PTPRD: variants seen among roughly 807,000 people sequenced by gnomAD.
The protein encoded by PTPRD is protein tyrosine phosphatase receptor type D, also known as receptor-type tyrosine-protein phosphatase delta.
Under a neutral mutation model 214.5 loss-of-function variants are expected in PTPRD, and 34 were observed. The ratio of observed to expected loss-of-function variants is 0.16; its 90% CI spans 0.12 to 0.21. The LOEUF is 0.21. Ranked by LOEUF, PTPRD falls within the 10% of genes least tolerant of loss-of-function variation. PTPRD has a pLI of 1.00. For missense variants in PTPRD, 2,545 were observed against 2,398.7 expected (o/e 1.06, Z -1.27); for synonymous variants, 1,128 against 845.7 (o/e 1.33, Z -5.79).
chr9:8,871,209 A>G (rs2098294277), intron 11 of PTPRD, among the ~76,000 whole-genome samples: 1 of 152,204 alleles, frequency 6.6e-6, no homozygotes, highest in Non-Finnish European at 1.5e-5. Flanking sequence ...AATAAACTGC[A>G]TAACCTAAGC....
chr9:8,316,984 T>TATG lies in PTPRD; in HGVS notation c.*887_*889dup, dbSNP rs1822320754. The TATG allele has an allele frequency of 8.8e-6, 2 of 228,280 alleles. No individual in the cohort carries two copies. The highest frequency in any genetic ancestry group is 1.7e-5 in the Non-Finnish European group (2 of 116,804). 14.1% of individuals were successfully genotyped at this position (228,280 alleles called of 1,614,324 possible). A position where few individuals can be genotyped will look rare whatever the true frequency, so the allele number is the denominator to read the frequency against. On this transcript the variant is annotated 3_prime_UTR_variant, in exon 46 of 46. Coordinates refer to ENST00000381196, the MANE Select transcript of PTPRD (RefSeq NM_002839.4). The stretch of plus-strand genomic sequence containing the variant: ...TATAAAATATGGATATATATGTATA[T>TATG]ATGTTAGCAGCAACTTTATACTTTG...
chr9:10,312,156 A>G (rs993653362), intron 3 of PTPRD, among the ~76,000 whole-genome samples: 1 of 152,040 alleles, frequency 6.6e-6, no homozygotes, highest in Non-Finnish European at 1.5e-5. Context: ...TCATTTGATG[A>G]GAGAATCTTT....
chr9:8,522,962 G>C (rs967330084), intron 19 of PTPRD, among the ~76,000 whole-genome samples: 1 of 152,120 alleles, frequency 6.6e-6, no homozygotes, highest in Non-Finnish European at 1.5e-5. Flanking sequence ...GCTTATTTGA[G>C]ATGGCTCACT....
At chr9:9,881,876 G>C (rs1600762512) in intron 5 of PTPRD, among the ~76,000 whole-genome samples, 1 of 152,050 alleles carries the variant, frequency 6.6e-6, no homozygotes, top group African/African-American at 2.4e-5. Flanking sequence ...TTTACCACAA[G>C]AACATGCCTG....
intron 30 of PTPRD, among the ~76,000 whole-genome samples, chr9:8,473,238 A>T (rs1046017992): frequency 1.3e-5 from 2 of 152,182 alleles, no homozygotes; most frequent in Admixed American, 6.6e-5. Context: ...TACACCAGCT[A>T]GCCATTCATT....
intron 39 of PTPRD, among the ~76,000 whole-genome samples, chr9:8,366,477 T>C (rs1053692026): frequency 1.3e-5 from 2 of 152,050 alleles, no homozygotes; most frequent in African/African-American, 4.8e-5. Flanking sequence ...TGGAAGAAAG[T>C]AGACAAAAAC....
intron 4 of PTPRD, among the ~76,000 whole-genome samples, chr9:9,998,129 A>AATATATATATATATATATATATATATAT (rs1555449231): frequency 1.8e-4 from 16 of 91,428 alleles, no homozygotes; most frequent in African/African-American, 8.8e-4. Flanking sequence ...AAAAAAAAAA[A>AATATATATATATATATATATATATATAT]ATATATATAT....
intron 2 of PTPRD, among the ~76,000 whole-genome samples, chr9:10,593,828 T>C (rs555728557): frequency 1.3e-5 from 2 of 152,128 alleles, no homozygotes; most frequent in African/African-American, 4.8e-5. Flanking sequence ...AAAATGTCTT[T>C]TTTTCTTATT....
At chr9:9,404,219 G>A (rs1372155086) in intron 8 of PTPRD, among the ~76,000 whole-genome samples, 1 of 152,002 alleles carries the variant, frequency 6.6e-6, no homozygotes, top group African/African-American at 2.4e-5. Context: ...AGGGTTTTAA[G>A]AAGTTGAGTG....
intron 11 of PTPRD, among the ~76,000 whole-genome samples, chr9:8,972,122 C>G (rs1172366126): frequency 6.6e-6 from 1 of 151,794 alleles, no homozygotes; most frequent in Non-Finnish European, 1.5e-5. Context: ...CATTACCTCA[C>G]CCAATGACCA....
chr9:8,504,693 C>A (rs2097501855), intron 22 of PTPRD, among the ~76,000 whole-genome samples: 1 of 152,150 alleles, frequency 6.6e-6, no homozygotes, highest in Non-Finnish European at 1.5e-5. Context: ...GATTGAGAGG[C>A]CAACACCCAT....
At chr9:9,503,511 T>C (rs1318976560) in intron 8 of PTPRD, among the ~76,000 whole-genome samples, 1 of 151,608 alleles carries the variant, frequency 6.6e-6, no homozygotes, top group East Asian at 1.9e-4. Flanking sequence ...GATGAAAAAA[T>C]GTAGAGGAGG....
chr9:8,455,401 T>A (rs947939150), intron 33 of PTPRD, among the ~76,000 whole-genome samples: 2 of 152,220 alleles, frequency 1.3e-5, no homozygotes, highest in African/African-American at 4.8e-5. Context: ...ATGTTGATTG[T>A]GTAAATAACC....
At chr9:8,587,288 C>T (rs2093739250) in intron 14 of PTPRD, among the ~76,000 whole-genome samples, 2 of 152,130 alleles carry the variant, frequency 1.3e-5, no homozygotes, top group South Asian at 4.1e-4. Context: ...GTTATGACAA[C>T]TGGTTTGATC....
intron 31 of PTPRD, among the ~76,000 whole-genome samples, 173 bp downstream of exon 31, chr9:8,470,822 T>A (rs1460291762): frequency 2.0e-5 from 3 of 152,090 alleles, no homozygotes; most frequent in African/African-American, 7.2e-5. Context: ...AGCCAAAGGA[T>A]CTTTGTTGGG....
intron 39 of PTPRD, among the ~76,000 whole-genome samples, chr9:8,351,367 C>G (rs551053164): frequency 1.3e-5 from 2 of 151,452 alleles, no homozygotes; most frequent in East Asian, 3.9e-4. Flanking sequence ...GGTGGCAGTA[C>G]AGATAAACTT....
chr9:10,552,576 A>G (rs2061575653), intron 2 of PTPRD, among the ~76,000 whole-genome samples: 1 of 152,048 alleles, frequency 6.6e-6, no homozygotes, highest in African/African-American at 2.4e-5. Flanking sequence ...AATGCATCAC[A>G]TTTATATCCC....
At chr9:10,549,454 T>A (rs2060842170) in intron 2 of PTPRD, among the ~76,000 whole-genome samples, 1 of 152,158 alleles carries the variant, frequency 6.6e-6, no homozygotes, top group African/African-American at 2.4e-5. Context: ...TTCTCCCCCA[T>A]CCTTGCAAGA....
At chr9:9,895,217 A>T (rs1001167582) in intron 5 of PTPRD, among the ~76,000 whole-genome samples, 1 of 152,084 alleles carries the variant, frequency 6.6e-6, no homozygotes, top group African/African-American at 2.4e-5. Flanking sequence ...AGAAATATAC[A>T]TACCAATAAA....
Sources: allele counts gnomAD v4.1 joint callset (sites outside exome capture counted in the v4.1 genomes callset), GRCh38; gene constraint gnomAD v4.1.1; transcripts MANE v1.5; gene names NCBI Gene and HGNC (gene_info 2026-07-23, HGNC 2026-07-21).